The following SETD2 variants were observed in gnomAD, a reference collection of about 807,000 sequenced individuals.
SETD2 encodes the protein SET domain containing 2, histone lysine methyltransferase, also known as histone-lysine N-methyltransferase SETD2.
In SETD2, 31 loss-of-function variants were observed where a neutral mutation model predicts 242.1. The ratio of observed to expected loss-of-function variants is 0.13; its 90% CI spans 0.10 to 0.17. The LOEUF (loss-of-function observed/expected upper bound fraction) is 0.17. Ranked by LOEUF, SETD2 falls within the 10% of genes least tolerant of loss-of-function variation. SETD2 has a pLI of 1.00. For synonymous variants in SETD2, 1,006 were observed against 1,066.5 expected (o/e 0.94, Z 1.11); for missense variants, 2,481 against 3,046.3 (o/e 0.81, Z 4.37).
intron 18 of SETD2, 55 bp from the exon 19 acceptor site, chr3:47,019,895 T>C: frequency 1.4e-6 from 2 of 1,411,610 alleles, no homozygotes; most frequent in East Asian, 2.3e-5. Context: ...AGTTTAGTGA[T>C]GCCCTACTGT....
At position 47,016,970 on chromosome 3, in the gene SETD2, C is replaced by T. The variant is rs1054380391; in HGVS notation, c.*123G>A. 1.8e-5 allele frequency: 17 copies of T among 954,590 alleles called. No individual in the cohort carries two copies. The highest frequency in any genetic ancestry group is 2.5e-4 in the Middle Eastern group (1 of 3,942). 59.1% of individuals were successfully genotyped at this position (954,590 alleles called of 1,614,324 possible). ...CAGTTGACATCTGCAGGGTTGAATT[C>T]CCCAGGGTGATGTATCATCAGTAGC... On this transcript the variant is annotated 3_prime_UTR_variant, in exon 21 of 21. Coordinates refer to ENST00000409792, the MANE Select transcript of SETD2 (RefSeq NM_014159.7).
chr3:47,121,829 A>T lies in SETD2; in HGVS notation c.2807T>A (p.Leu936His), dbSNP rs753162692. 1 of 1,614,080 alleles carries T rather than the reference A, an allele frequency of 6.2e-7. No individual in the cohort carries two copies. Among genetic ancestry groups the T allele is most frequent in the Non-Finnish European group, 8.5e-7 (1 of 1,179,978 alleles). Reference protein sequence around the residue: ...KETIVEVGSDLPDSGKGFASR... With the variant: ...KETIVEVGSDHPDSGKGFASR... ...AGCAAATCCCTTTCCTGAATCAGGA[A>T]GGTCACTACCTACTTCTACTATTGT... is the stretch of plus-strand genomic sequence containing the variant. Residue 936 changes from leucine (L) to histidine (H), a missense_variant, in exon 3 of 21, where the codon CTT (leucine) becomes CAT (histidine). Coordinates refer to ENST00000409792, the MANE Select transcript of SETD2 (RefSeq NM_014159.7).
Position 47,125,144 on chromosome 3 carries a change from A to C in SETD2, c.88-596T>G, listed in dbSNP as rs1434399905. On this transcript the variant is annotated intron_variant, in intron 2 of 20. Transcript: ENST00000409792. ...GACCAGCCTGGCCAACATAATGAAA[A>C]CCCATCTCTACTAAAAATACAAAAA... Among the ~76,000 whole-genome samples, 4 of 151,574 alleles carry C rather than the reference A, an allele frequency of 2.6e-5. No individual in the cohort carries two copies. The East Asian group carries it at 5.8e-4, about 22-fold the overall frequency.
chr3:47,046,798 T>A (rs1420416769), intron 15 of SETD2, 177 bp from the exon 16 acceptor site: 1 of 414,638 alleles, frequency 2.4e-6, no homozygotes, highest in Non-Finnish European at 4.1e-6. Flanking sequence ...AAGTTTCTTT[T>A]TTTACTAATT....
At chr3:47,064,665 C>T (rs951668247) in intron 13 of SETD2, 9 of 383,254 alleles carry the variant, frequency 2.3e-5, no homozygotes, top group East Asian at 1.7e-4. Context: ...AGTTAGACTA[C>T]GTATTTCCTG....
intron 1 of SETD2, among the ~76,000 whole-genome samples, chr3:47,162,967 A>G (rs1482338567): frequency 6.6e-6 from 1 of 152,206 alleles, no homozygotes; most frequent in Non-Finnish European, 1.5e-5. Context: ...TTTCCACAAC[A>G]TTGTCTTCTT....
At chr3:47,114,358 T>G (rs1575799056) in intron 4 of SETD2, among the ~76,000 whole-genome samples, 1 of 152,210 alleles carries the variant, frequency 6.6e-6, no homozygotes, top group African/African-American at 2.4e-5. Context: ...GCACCTTCCC[T>G]TCCTTCTACT....
intron 18 of SETD2, among the ~76,000 whole-genome samples, chr3:47,022,946 C>A (rs7610636): frequency 0.55 from 83,134 of 152,034 alleles, 22,975 homozygotes; most frequent in Non-Finnish European, 0.58. Context: ...CTGTGTAACA[C>A]AACAGAATCA....
chr3:47,020,670 A>G (rs1575646806), intron 18 of SETD2, among the ~76,000 whole-genome samples: 1 of 152,326 alleles, frequency 6.6e-6, no homozygotes, highest in East Asian at 1.9e-4. Flanking sequence ...GTGCTTTTCC[A>G]CGGAAAATAA....
At chr3:47,146,014 T>TAAA (rs2043841682) in intron 1 of SETD2, among the ~76,000 whole-genome samples, 3 of 14,422 alleles carry the variant, frequency 2.1e-4, no homozygotes, top group Non-Finnish European at 5.1e-4. Context: ...AGACCCTGTC[T>TAAA]CAAAAAAAAA....
intron 12 of SETD2, 30 bp from the exon 13 acceptor site, chr3:47,067,148 T>A (rs748065556): frequency 6.5e-7 from 1 of 1,548,738 alleles, no homozygotes; most frequent in Non-Finnish European, 8.9e-7. Context: ...GGGAGGGTTA[T>A]TAGTGAGGGT....
At chr3:47,063,271 G>A (rs2040418777) in intron 13 of SETD2, among the ~76,000 whole-genome samples, 2 of 152,060 alleles carry the variant, frequency 1.3e-5, no homozygotes, top group Non-Finnish European at 2.9e-5. Flanking sequence ...AAACCCAGGT[G>A]ATAACTTTGG....
intron 12 of SETD2, among the ~76,000 whole-genome samples, chr3:47,075,537 C>G (rs1191492577): frequency 1.4e-5 from 2 of 138,734 alleles, no homozygotes; most frequent in Non-Finnish European, 1.5e-5. Context: ...GCACTCCAGC[C>G]TGGGCAACAA....
At chr3:47,027,360 A>AAG (rs1251378368) in intron 18 of SETD2, among the ~76,000 whole-genome samples, 9 of 150,262 alleles carry the variant, frequency 6.0e-5, no homozygotes, top group South Asian at 2.1e-4. Context: ...AAAAAAAAAA[A>AAG]AGAGAACACA....
chr3:47,138,728 G>C (rs1047031094), intron 1 of SETD2, among the ~76,000 whole-genome samples: 2 of 151,960 alleles, frequency 1.3e-5, no homozygotes, highest in African/African-American at 4.8e-5. Context: ...GTCAAGCCTG[G>C]CTAATTTTTG....
In SETD2 at chr3:47,120,376, C is replaced by T. The variant is rs2107740856; in HGVS notation, c.4260G>A (p.Glu1420=). The T allele has an allele frequency of 6.2e-7, 1 of 1,612,560 alleles. No homozygotes were observed. The highest frequency in any genetic ancestry group is 8.5e-7 in the Non-Finnish European group (1 of 1,179,458). The change falls in exon 3 of 21, where the codon GAG becomes GAA. Residue 1420 remains glutamate, a synonymous_variant. Transcript: ENST00000409792. ...EIESDSESDG[E]LQDRKKVRVE... ...CTCTAACTTTCTTTCTGTCCTGAAG[C>T]TCACCATCACTTTCAGAATCACTCT...
intron 1 of SETD2, among the ~76,000 whole-genome samples, chr3:47,129,182 AAAAAG>A (rs957483599): frequency 4.6e-5 from 7 of 152,218 alleles, no homozygotes; most frequent in South Asian, 4.1e-4. Context: ...GAAGTGTTTA[AAAAAG>A]AAAAGAAAAG....
At chr3:47,151,419 A>C (rs1044527268) in intron 1 of SETD2, among the ~76,000 whole-genome samples, 2 of 152,240 alleles carry the variant, frequency 1.3e-5, no homozygotes, top group Non-Finnish European at 2.9e-5. Context: ...CATTTCAAAA[A>C]AGCACACAGC....
intron 1 of SETD2, among the ~76,000 whole-genome samples, chr3:47,129,192 G>C (rs932684883): frequency 6.6e-6 from 1 of 151,996 alleles, no homozygotes; most frequent in Non-Finnish European, 1.5e-5. Flanking sequence ...AAAAAGAAAA[G>C]AAAAGAAATG....
Sources: gnomAD v4.1 joint callset for allele counts (sites outside exome capture counted in the v4.1 genomes callset) on GRCh38, gnomAD v4.1.1 for gene constraint, MANE v1.5 for transcripts, NCBI Gene and HGNC (gene_info 2026-07-23, HGNC 2026-07-21) for gene names.